IP6K3: variants seen among roughly 807,000 people sequenced by gnomAD.
The protein encoded by IP6K3 is ATP:1D-myo-inositol-hexakisphosphate phosphotransferase.
In IP6K3, 20 loss-of-function variants were observed where a neutral mutation model predicts 28.8. That is an observed-to-expected ratio of 0.70 (90% confidence interval 0.49 to 1.01). The LOEUF (loss-of-function observed/expected upper bound fraction) is 1.01, where lower values mean the gene tolerates loss of function less well. Among genes scored for constraint, IP6K3 ranks in the 50% least tolerant of loss-of-function variants. The pLI is 0.00. For synonymous variants in IP6K3, 213 were observed against 221.3 expected (o/e 0.96, Z 0.33); for missense variants, 480 against 537.1 (o/e 0.89, Z 1.05).
At chr6:33,737,533 C>G (rs1277174829) in intron 1 of IP6K3, among the ~76,000 whole-genome samples, 1 of 152,222 alleles carries the variant, frequency 6.6e-6, no homozygotes, top group East Asian at 1.9e-4. Flanking sequence ...CAGTGCCCAT[C>G]AATTTGTTCA....
Position 33,728,052 on chromosome 6 carries a change from G to A in IP6K3, c.413+35C>T, listed in dbSNP as rs1445034191. ...GGAGCAGTGCCGGTCCCTGCCGAGG[G>A]ACAGGGTTTCTGTCATCCTGCCCAG... On this transcript the variant is annotated intron_variant, in intron 3 of 5. Transcript: ENST00000293756. 4 of 1,591,608 alleles carry A rather than the reference G, an allele frequency of 2.5e-6. No individual in the cohort carries two copies. In the South Asian group the frequency reaches 4.4e-5, roughly 18 times the overall value.
At chr6:33,735,207 GGT>G in intron 2 of IP6K3, 69 bp downstream of exon 2, 1 of 1,299,104 alleles carries the variant, frequency 7.7e-7, no homozygotes. Context: ...AGGAGGACGT[GGT>G]GGGTGCATTG....
chr6:33,724,694 A>G (rs911026942), intron 5 of IP6K3, among the ~76,000 whole-genome samples: 2 of 152,208 alleles, frequency 1.3e-5, no homozygotes, highest in Admixed American at 6.5e-5. Context: ...TGACTGCCAT[A>G]CAGCATCTAA....
chr6:33,730,632 C>T (rs1284991612), intron 2 of IP6K3, among the ~76,000 whole-genome samples: 1 of 152,150 alleles, frequency 6.6e-6, no homozygotes, highest in East Asian at 1.9e-4. Context: ...CTGTCTTCCA[C>T]CTGCTGGGTG....
upstream of IP6K3, among the ~76,000 whole-genome samples, chr6:33,748,823 C>T (rs1293780837): frequency 1.3e-5 from 2 of 151,340 alleles, no homozygotes; most frequent in African/African-American, 4.9e-5. Flanking sequence ...AACAGGAATT[C>T]CTGGGGTGCC....
chr6:33,755,200 T>G, the IP6K3 span, among the ~76,000 whole-genome samples: 4 of 151,990 alleles, frequency 2.6e-5, no homozygotes, highest in African/African-American at 9.7e-5. Context: ...CCTGCACCCC[T>G]GGACAAGGCC....
chr6:33,760,032 G>A, the IP6K3 span, among the ~76,000 whole-genome samples: 1 of 152,234 alleles, frequency 6.6e-6, no homozygotes, highest in African/African-American at 2.4e-5. Context: ...GAGGGACTGA[G>A]CCTGCGAGCC....
Position 33,722,416 on chromosome 6 carries a change from T to C in IP6K3, c.*304A>G, listed in dbSNP as rs1765933643. The C allele has an allele frequency of 1.7e-5, 4 of 231,100 alleles. No homozygotes were observed. The highest frequency in any genetic ancestry group is 3.4e-5 in the Non-Finnish European group (4 of 117,550). The allele number at this position is 231,100 out of a possible 1,614,324, so 14.3% of individuals were successfully genotyped here. On this transcript the variant is annotated 3_prime_UTR_variant, in exon 6 of 6. Coordinates refer to ENST00000293756, the MANE Select transcript of IP6K3 (RefSeq NM_054111.5). Reference sequence around the variant, plus strand: ...ATTTTTAGATGCAAATATTCCAGAATGTCAGCAATGCTGGCCTCTAACTTG... The same window carrying C: ...ATTTTTAGATGCAAATATTCCAGAACGTCAGCAATGCTGGCCTCTAACTTG...
rs1561899477 is a variant in IP6K3, at chr6:33,725,503, G to GGC, written c.701_702dup (p.His235AlafsTer3). On this transcript the variant is annotated frameshift_variant, in exon 5 of 6. Coordinates refer to ENST00000293756, the MANE Select transcript of IP6K3 (RefSeq NM_054111.5). LOFTEE classifies it high-confidence loss of function. ...GTGCTCTGCGCACACTTCCTCATGT[G>GGC]GCGGGCCTTCTTCTCCTCCGATGCA... 1 of 1,613,958 alleles carries GGC rather than the reference G, an allele frequency of 6.2e-7. No homozygotes were observed. The highest frequency in any genetic ancestry group is 8.5e-7 in the Non-Finnish European group (1 of 1,180,034).
intron 1 of IP6K3, among the ~76,000 whole-genome samples, chr6:33,743,036 C>T (rs967313727): frequency 5.3e-5 from 8 of 152,098 alleles, no homozygotes; most frequent in African/African-American, 1.2e-4. Context: ...CTTGGCTGGC[C>T]TTGCCAGTGC....
intron 4 of IP6K3, 46 bp from the exon 5 acceptor site, chr6:33,725,662 T>A: frequency 6.4e-7 from 1 of 1,563,318 alleles, no homozygotes; most frequent in Non-Finnish European, 8.7e-7. Flanking sequence ...TCAGAACTGC[T>A]GCTCCGCCAG....
chr6:33,736,058 G>T (rs1273545584), intron 1 of IP6K3, among the ~76,000 whole-genome samples: 1 of 152,076 alleles, frequency 6.6e-6, no homozygotes, highest in Non-Finnish European at 1.5e-5. Context: ...TAGAAACGGG[G>T]TCTCACCATG....
intron 5 of IP6K3, among the ~76,000 whole-genome samples, chr6:33,723,994 C>CG (rs147935103): frequency 0.017 from 2,535 of 148,674 alleles, 22 homozygotes; most frequent in Middle Eastern, 0.031. Flanking sequence ...TGGGCATGGC[C>CG]GGGGGGGGGT....
the IP6K3 span, among the ~76,000 whole-genome samples, chr6:33,758,267 C>T: frequency 6.6e-6 from 1 of 152,164 alleles, no homozygotes; most frequent in Non-Finnish European, 1.5e-5. Flanking sequence ...TAAATCCCAG[C>T]GCTTTGGGAG....
chr6:33,726,473 G>A (rs937887859), intron 4 of IP6K3, among the ~76,000 whole-genome samples: 2 of 152,112 alleles, frequency 1.3e-5, no homozygotes, highest in Non-Finnish European at 2.9e-5. Context: ...CACAGCCAGG[G>A]CCCCCCCAGG....
the IP6K3 span, among the ~76,000 whole-genome samples, chr6:33,758,490 C>A: frequency 2.0e-5 from 3 of 152,186 alleles, no homozygotes; most frequent in Non-Finnish European, 4.4e-5. Context: ...GGCACCACTG[C>A]ACTCCAGCCT....
intron 1 of IP6K3, among the ~76,000 whole-genome samples, chr6:33,736,354 C>G (rs1766523607): frequency 1.3e-5 from 2 of 152,152 alleles, no homozygotes; most frequent in Admixed American, 6.5e-5. Context: ...TGCTGGGGCT[C>G]TCACTGTCCT....
At chr6:33,729,256 C>A (rs1232775084) in intron 2 of IP6K3, among the ~76,000 whole-genome samples, 1 of 152,354 alleles carries the variant, frequency 6.6e-6, no homozygotes, top group South Asian at 2.1e-4. Context: ...CCAGTGGTGC[C>A]TGGCCTCGCC....
At chr6:33,758,398 G>A in the IP6K3 span, among the ~76,000 whole-genome samples, 2 of 152,054 alleles carry the variant, frequency 1.3e-5, no homozygotes, top group Non-Finnish European at 2.9e-5. Context: ...AGGTGTGGTG[G>A]CACGTGCCTG....
Sources: gnomAD v4.1 joint callset for allele counts (sites outside exome capture counted in the v4.1 genomes callset) on GRCh38, gnomAD v4.1.1 for gene constraint, MANE v1.5 for transcripts, NCBI Gene and HGNC (gene_info 2026-07-23, HGNC 2026-07-21) for gene names.